The following AFDN variants were observed in gnomAD, a reference collection of about 807,000 sequenced individuals.
AFDN encodes the protein afadin, adherens junction formation factor, also known as afadin.
In AFDN, 68 loss-of-function variants were observed where a neutral mutation model predicts 216.6. The ratio of observed to expected loss-of-function variants is 0.31; its 90% CI spans 0.26 to 0.38. AFDN has a LOEUF of 0.38. AFDN is among the 10% of genes least tolerant of loss of function. AFDN has a pLI of 1.00. For synonymous variants in AFDN, 868 were observed against 853.7 expected (o/e 1.02, Z -0.29); for missense variants, 2,136 against 2,342.0 (o/e 0.91, Z 1.82).
At chr6:167,909,613 G>T (rs991292319) in intron 13 of AFDN, among the ~76,000 whole-genome samples, 2 of 152,110 alleles carry the variant, frequency 1.3e-5, no homozygotes, top group South Asian at 4.1e-4. Flanking sequence ...AATGACTGTT[G>T]TTGAAGTCAC....
At position 167,969,848 on chromosome 6, in the gene AFDN, T is replaced by C. The variant is rs529351541; in HGVS notation, c.5409T>C (p.Arg1803=). The change falls in exon 34 of 34, where the codon CGT becomes CGC. Residue 1803 remains arginine (R), a synonymous_variant. Coordinates refer to ENST00000683244, the MANE Select transcript of AFDN (RefSeq NM_001386888.1). ...ACTTGACATTCAAGGAACGCCAGCG[T>C]CTTTTTTCACAAGGTCAAGATGTAT... ...PENLTFKERQ[R]LFSQGQDVSN... is the part of the protein sequence containing the mutation. 8.7e-6 allele frequency: 14 copies of C among 1,613,322 alleles called. No individual in the cohort carries two copies. In the Admixed American group the frequency reaches 2.2e-4, roughly 25 times the overall value.
chr6:167,924,950 A>T, intron 22 of AFDN, 55 bp from the exon 23 acceptor site: 1 of 1,250,000 alleles, frequency 8.0e-7, no homozygotes, highest in East Asian at 2.3e-5. Flanking sequence ...TTGTCTAACC[A>T]TACAGAAGCA....
chr6:167,857,042 G>A (rs1329884918), intron 1 of AFDN, among the ~76,000 whole-genome samples: 3 of 152,038 alleles, frequency 2.0e-5, no homozygotes, highest in South Asian at 2.1e-4. Flanking sequence ...TGTTAACCTC[G>A]TTATTTATAC....
intron 1 of AFDN, among the ~76,000 whole-genome samples, chr6:167,850,296 C>A (rs773829529): frequency 9.2e-5 from 14 of 152,130 alleles, no homozygotes; most frequent in Non-Finnish European, 1.5e-4. Flanking sequence ...TGTGAAAGGT[C>A]TTAAGATAGT....
chr6:167,874,333 A>C (rs1785105308), intron 4 of AFDN, among the ~76,000 whole-genome samples: 1 of 152,188 alleles, frequency 6.6e-6, no homozygotes, highest in South Asian at 2.1e-4. Context: ...TGAGTTGTTC[A>C]ACTTGATTAA....
chr6:167,868,298 C>T (rs1784415021), intron 2 of AFDN, among the ~76,000 whole-genome samples: 1 of 152,146 alleles, frequency 6.6e-6, no homozygotes, highest in Non-Finnish European at 1.5e-5. Flanking sequence ...ATAGTCACAG[C>T]TACTCAAGAG....
rs141683669 is a variant in AFDN, at chr6:167,864,455, T to A, written c.106-96T>A. 1,029 of 1,202,050 alleles carry A rather than the reference T, an allele frequency of 8.6e-4. 4 individuals carry two copies. The African/African-American group carries it at 0.013, about 15-fold the overall frequency. The allele number at this position is 1,202,050 out of a possible 1,614,324, so 74.5% of individuals were successfully genotyped here. On this transcript the variant is annotated intron_variant, in intron 1 of 33. Coordinates refer to ENST00000683244, the MANE Select transcript of AFDN (RefSeq NM_001386888.1). The stretch of plus-strand genomic sequence containing the variant: ...CAGATGTTTATGATGAAGCATTTTT[T>A]AAAAAAGTGAACAGACTTCCTCATT...
At chr6:167,946,164 G>T (rs1017510581) in intron 26 of AFDN, among the ~76,000 whole-genome samples, 5 of 152,218 alleles carry the variant, frequency 3.3e-5, no homozygotes, top group African/African-American at 9.6e-5. Context: ...CATCTTGGTT[G>T]TCTAATTTCT....
chr6:167,851,161 C>A (rs1201416873), intron 1 of AFDN, among the ~76,000 whole-genome samples: 9 of 152,178 alleles, frequency 5.9e-5, no homozygotes, highest in Admixed American at 5.9e-4. Flanking sequence ...TTTTTCACGT[C>A]ATATATACAG....
intron 11 of AFDN, 42 bp downstream of exon 11, chr6:167,898,509 CTTAAAGTAGTTCAGATTATTCATA>C (rs1156878081): frequency 6.4e-7 from 1 of 1,560,122 alleles, no homozygotes; most frequent in African/African-American, 1.4e-5. Flanking sequence ...TTTGATTATA[CTTAAAGTAGTTCAGATTATTCATA>C]GATATCTTGG....
chr6:167,913,477 A>G (rs1790667472), intron 16 of AFDN, 54 bp downstream of exon 16: 2 of 1,493,306 alleles, frequency 1.3e-6, no homozygotes, highest in Non-Finnish European at 1.8e-6. Flanking sequence ...CAAGTTTCTC[A>G]TGCTGCTCCC....
At chr6:167,885,951 T>C (rs1031455870) in intron 6 of AFDN, among the ~76,000 whole-genome samples, 8 of 152,220 alleles carry the variant, frequency 5.3e-5, no homozygotes, top group African/African-American at 1.9e-4. Context: ...GAAAAGATAC[T>C]AGCTTACAAA....
At chr6:167,909,732 T>C (rs1290341879) in intron 13 of AFDN, among the ~76,000 whole-genome samples, 1 of 152,202 alleles carries the variant, frequency 6.6e-6, no homozygotes, top group Non-Finnish European at 1.5e-5. Context: ...AATATTTAAC[T>C]CAGTAGAGAT....
At chr6:167,944,564 T>C (rs1188086181) in intron 26 of AFDN, among the ~76,000 whole-genome samples, 5 of 152,242 alleles carry the variant, frequency 3.3e-5, no homozygotes, top group African/African-American at 9.6e-5. Context: ...GATCTCATTC[T>C]GTATACAGTC....
chr6:167,839,404 T>G (rs555721284), intron 1 of AFDN, among the ~76,000 whole-genome samples: 1 of 152,170 alleles, frequency 6.6e-6, no homozygotes, highest in Non-Finnish European at 1.5e-5. Context: ...ATTATGGACA[T>G]TTAAACATTT....
chr6:167,963,012 A>C, intron 31 of AFDN: 1 of 1,083,920 alleles, frequency 9.2e-7, no homozygotes, highest in Admixed American at 4.7e-5. Flanking sequence ...GGTTTACTCA[A>C]ATCACTCACT....
intron 2 of AFDN, among the ~76,000 whole-genome samples, chr6:167,868,279 C>G (rs1235736521): frequency 6.6e-6 from 1 of 152,150 alleles, no homozygotes; most frequent in Non-Finnish European, 1.5e-5. Context: ...AATGTGGTAG[C>G]ATGTACCTAT....
intron 1 of AFDN, among the ~76,000 whole-genome samples, chr6:167,855,601 G>GT (rs1782805735): frequency 6.6e-6 from 1 of 151,898 alleles, no homozygotes; most frequent in Admixed American, 6.6e-5. Flanking sequence ...GACTTTGAGA[G>GT]TACTAGAACA....
At chr6:167,890,024 G>T (rs1456826254) in intron 7 of AFDN, among the ~76,000 whole-genome samples, 1 of 152,170 alleles carries the variant, frequency 6.6e-6, no homozygotes, top group Admixed American at 6.5e-5. Flanking sequence ...TTATTTCAAA[G>T]CAGTCTTAAG....
Sources: allele counts gnomAD v4.1 joint callset (sites outside exome capture counted in the v4.1 genomes callset), GRCh38; gene constraint gnomAD v4.1.1; transcripts MANE v1.5; gene names NCBI Gene and HGNC (gene_info 2026-07-23, HGNC 2026-07-21).